XYLT1: variants seen among roughly 807,000 people sequenced by gnomAD.
XYLT1 encodes beta-D-xylosyltransferase 1.
In XYLT1, 36 loss-of-function variants were observed where a neutral mutation model predicts 91.3. That is an observed-to-expected ratio of 0.39 (90% confidence interval 0.30 to 0.52). The LOEUF is 0.52. Among genes scored for constraint, XYLT1 ranks in the 20% least tolerant of loss-of-function variants. XYLT1 has a pLI of 0.68. For missense variants in XYLT1, 1,242 were observed against 1,284.5 expected, an observed-to-expected ratio of 0.97 and a Z score of 0.51; for synonymous variants, 588 against 532.0, an observed-to-expected ratio of 1.11 and a Z score of -1.45.
chr16:17,198,076 G>A (rs1412771527), intron 5 of XYLT1, 136 bp downstream of exon 5: 2 of 852,650 alleles, frequency 2.3e-6, no homozygotes, highest in African/African-American at 3.4e-5. Flanking sequence ...ATGATTCTCA[G>A]GTCCAATCAG....
intron 2 of XYLT1, among the ~76,000 whole-genome samples, chr16:17,267,054 TA>T (rs1241079022): frequency 6.6e-6 from 1 of 152,102 alleles, no homozygotes; most frequent in African/African-American, 2.4e-5. Flanking sequence ...GAACCCTAAG[TA>T]AAAAGCCCTT....
chr16:17,208,448 G>GT (rs1274975614), intron 3 of XYLT1, among the ~76,000 whole-genome samples: 1 of 152,106 alleles, frequency 6.6e-6, no homozygotes, highest in Non-Finnish European at 1.5e-5. Context: ...AGATTTTGAA[G>GT]TATCTGTGTA....
chr16:17,197,063 G>A (rs1224395738), intron 5 of XYLT1, among the ~76,000 whole-genome samples: 1 of 138,488 alleles, frequency 7.2e-6, no homozygotes. Flanking sequence ...ATCATTCAAA[G>A]TATCATGCCA....
At chr16:17,455,079 G>A (rs941228233) in intron 1 of XYLT1, among the ~76,000 whole-genome samples, 4 of 152,028 alleles carry the variant, frequency 2.6e-5, no homozygotes, top group South Asian at 2.1e-4. Flanking sequence ...GCACAAAAGA[G>A]TACAGACTGT....
At chr16:17,257,547 C>T (rs1279881958) in intron 3 of XYLT1, among the ~76,000 whole-genome samples, 2 of 152,088 alleles carry the variant, frequency 1.3e-5, no homozygotes, top group African/African-American at 2.4e-5. Context: ...GCTGGATTAT[C>T]GTAAGCTATG....
At chr16:17,384,737 T>C (rs1399315386) in intron 1 of XYLT1, among the ~76,000 whole-genome samples, 1 of 151,866 alleles carries the variant, frequency 6.6e-6, no homozygotes, top group East Asian at 2.0e-4. Context: ...AGAAATAGGC[T>C]GTTTTATTTA....
At chr16:17,161,485 T>C (rs767386950) in intron 5 of XYLT1, among the ~76,000 whole-genome samples, 7 of 152,124 alleles carry the variant, frequency 4.6e-5, no homozygotes, top group Admixed American at 3.9e-4. Context: ...CTGTGTGAAA[T>C]GCTTGCTCTG....
chr16:17,131,269 G>T (rs1382438730), intron 9 of XYLT1, among the ~76,000 whole-genome samples: 1 of 152,154 alleles, frequency 6.6e-6, no homozygotes, highest in Non-Finnish European at 1.5e-5. Context: ...ACTGTATTTG[G>T]TATCTAAGTA....
intron 1 of XYLT1, among the ~76,000 whole-genome samples, chr16:17,387,245 C>T (rs1485723927): frequency 1.3e-5 from 2 of 152,186 alleles, no homozygotes. Flanking sequence ...TCCTAGGCCA[C>T]TCTATTCCCG....
At chr16:17,450,470 T>C (rs1009847044) in intron 1 of XYLT1, among the ~76,000 whole-genome samples, 2 of 152,128 alleles carry the variant, frequency 1.3e-5, no homozygotes, top group African/African-American at 2.4e-5. Flanking sequence ...AACAGCCACG[T>C]ACACATGGAA....
chr16:17,192,384 G>A (rs2032333321), intron 5 of XYLT1, among the ~76,000 whole-genome samples: 1 of 151,988 alleles, frequency 6.6e-6, no homozygotes, highest in South Asian at 2.1e-4. Context: ...TTACAGGCAT[G>A]AGCCACCACA....
chr16:17,109,862 C>T (rs917219249), intron 11 of XYLT1, among the ~76,000 whole-genome samples: 8 of 152,178 alleles, frequency 5.3e-5, no homozygotes, highest in African/African-American at 1.2e-4. Context: ...TTGTACTCTG[C>T]GTAAGTTGGA....
intron 1 of XYLT1, among the ~76,000 whole-genome samples, chr16:17,399,107 T>C (rs2035930769): frequency 6.6e-6 from 1 of 152,074 alleles, no homozygotes; most frequent in Non-Finnish European, 1.5e-5. Context: ...ACATCTGCAA[T>C]GACCGTCTTT....
chr16:17,210,509 G>A (rs1404865398), intron 3 of XYLT1, among the ~76,000 whole-genome samples: 1 of 152,074 alleles, frequency 6.6e-6, no homozygotes, highest in Non-Finnish European at 1.5e-5. Flanking sequence ...CCCAGGAGGC[G>A]GAGGTTGCAG....
At chr16:17,300,592 G>C (rs557220179) in intron 2 of XYLT1, among the ~76,000 whole-genome samples, 1 of 145,014 alleles carries the variant, frequency 6.9e-6, no homozygotes, top group South Asian at 2.1e-4. Context: ...GAGTGGCTGG[G>C]GTTACAGGCA....
At chr16:17,402,146 AAC>A (rs200539915) in intron 1 of XYLT1, among the ~76,000 whole-genome samples, 21,277 of 132,626 alleles carry the variant, frequency 0.16, 3,228 homozygotes, top group African/African-American at 0.41. Flanking sequence ...AAAAAAAAAA[AAC>A]ACACACACAC....
intron 1 of XYLT1, among the ~76,000 whole-genome samples, chr16:17,377,842 G>A (rs2141880475): frequency 6.6e-6 from 1 of 152,250 alleles, no homozygotes; most frequent in East Asian, 1.9e-4. Flanking sequence ...AGCCCACTGG[G>A]GTTCAGAACA....
intron 2 of XYLT1, among the ~76,000 whole-genome samples, chr16:17,267,913 A>AACTTT (rs2033831433): frequency 6.6e-6 from 1 of 151,868 alleles, no homozygotes; most frequent in South Asian, 2.1e-4. Flanking sequence ...TAAAACACTT[A>AACTTT]ATACCTAGAA....
intron 3 of XYLT1, among the ~76,000 whole-genome samples, chr16:17,211,285 A>G (rs539358116): frequency 6.6e-6 from 1 of 152,208 alleles, no homozygotes; most frequent in African/African-American, 2.4e-5. Context: ...GGTAAAGGCA[A>G]AGGGCAGGGG....
Sources: allele counts gnomAD v4.1 joint callset (sites outside exome capture counted in the v4.1 genomes callset), GRCh38; gene constraint gnomAD v4.1.1; transcripts MANE v1.5; gene names NCBI Gene and HGNC (gene_info 2026-07-23, HGNC 2026-07-21).